The following PTPRC variants were observed in gnomAD, a reference collection of about 807,000 sequenced individuals.
The protein encoded by PTPRC is receptor-type tyrosine-protein phosphatase C.
In PTPRC, 44 loss-of-function variants were observed where a neutral mutation model predicts 155.9. The ratio of observed to expected loss-of-function variants is 0.28; its 90% CI spans 0.22 to 0.36. PTPRC has a LOEUF of 0.36. Ranked by LOEUF, PTPRC falls within the 10% of genes least tolerant of loss-of-function variation. PTPRC has a pLI of 1.00. For missense variants in PTPRC, 1,401 were observed against 1,564.6 expected (o/e 0.90, Z 1.76); for synonymous variants, 525 against 533.1 (o/e 0.98, Z 0.21).
intron 23 of PTPRC, among the ~76,000 whole-genome samples, chr1:198,740,659 G>A (rs1041106831): frequency 7.9e-5 from 12 of 151,734 alleles, no homozygotes; most frequent in Non-Finnish European, 1.6e-4. Flanking sequence ...TACAGTCAGA[G>A]ATGAAAAAAG....
In PTPRC at chr1:198,748,090, T is replaced by TG. The variant is rs1655220282; in HGVS notation, c.2848-19_2848-18insG. On this transcript the variant is annotated intron_variant, in intron 26 of 32. Coordinates refer to ENST00000442510, the MANE Select transcript of PTPRC (RefSeq NM_002838.5). ...TTTACATTTTAAAGGAGTTTTTCTG[T>TG]TTTTTTTTTTTTTTTCAGAGACTTC... 2.4e-6 allele frequency: 1 copy of TG among 416,922 alleles called. No homozygotes were observed. Among genetic ancestry groups the TG allele is most frequent in the East Asian group, 1.1e-4 (1 of 9,184 alleles). The allele number at this position is 416,922 out of a possible 1,614,324, so 25.8% of individuals were successfully genotyped here.
intron 2 of PTPRC, among the ~76,000 whole-genome samples, chr1:198,690,713 A>C (rs2102363289): frequency 6.6e-6 from 1 of 152,206 alleles, no homozygotes; most frequent in East Asian, 1.9e-4. Context: ...TAAAGGCAGA[A>C]AGTCACCTTA....
At chr1:198,708,400 G>T in intron 10 of PTPRC, 139 bp downstream of exon 10, 1 of 811,574 alleles carries the variant, frequency 1.2e-6, no homozygotes, top group Non-Finnish European at 1.8e-6. Context: ...TTTCTTTCTT[G>T]TCTTTTTCTT....
chr1:198,702,170 C>T (rs1427926191), intron 5 of PTPRC, among the ~76,000 whole-genome samples: 1 of 152,226 alleles, frequency 6.6e-6, no homozygotes, highest in African/African-American at 2.4e-5. Flanking sequence ...TATGAAGCTG[C>T]ATAGGTTTCC....
At chr1:198,721,263 T>C (rs1354282775) in intron 14 of PTPRC, among the ~76,000 whole-genome samples, 2 of 152,218 alleles carry the variant, frequency 1.3e-5, no homozygotes, top group African/African-American at 4.8e-5. Flanking sequence ...GTTAATAAAT[T>C]AATGAAGTTG....
At chr1:198,722,569 TG>T in intron 15 of PTPRC, 93 bp downstream of exon 15, 1 of 660,944 alleles carries the variant, frequency 1.5e-6, no homozygotes, top group Non-Finnish European at 2.1e-6. Flanking sequence ...CACATTTGAT[TG>T]TTAAATGCTT....
chr1:198,694,021 A>G (rs1462459543), intron 3 of PTPRC: 2 of 1,548,178 alleles, frequency 1.3e-6, no homozygotes, highest in Non-Finnish European at 8.7e-7. Context: ...ACAATAGGCC[A>G]TCTGCAAGCT....
chr1:198,720,851 T>C (rs1422006511), intron 14 of PTPRC, among the ~76,000 whole-genome samples: 1 of 152,214 alleles, frequency 6.6e-6, no homozygotes, highest in African/African-American at 2.4e-5. Context: ...CATTGTGTAT[T>C]ATACTTCATT....
At chr1:198,657,553 T>C (rs995206239) in intron 2 of PTPRC, 2 of 152,166 alleles carry the variant, frequency 1.3e-5, no homozygotes, top group African/African-American at 4.8e-5. Context: ...AAAAAAAATG[T>C]TCAGTGTTTT....
intron 2 of PTPRC, among the ~76,000 whole-genome samples, chr1:198,659,249 C>T (rs968534417): frequency 6.6e-6 from 1 of 152,148 alleles, no homozygotes; most frequent in African/African-American, 2.4e-5. Context: ...TCTGTCACCA[C>T]TAGACACATA....
intron 2 of PTPRC, among the ~76,000 whole-genome samples, chr1:198,641,273 A>G (rs1662567339): frequency 6.6e-6 from 1 of 152,070 alleles, no homozygotes; most frequent in African/African-American, 2.4e-5. Context: ...TTTAATGTAT[A>G]ATTTGGAAAA....
At chr1:198,739,324 C>A (rs1339932603) in intron 23 of PTPRC, among the ~76,000 whole-genome samples, 2 of 151,648 alleles carry the variant, frequency 1.3e-5, no homozygotes, top group African/African-American at 4.8e-5. Context: ...CAATCTGTTG[C>A]TTACAAGAAA....
At chr1:198,686,123 A>T (rs764609916) in intron 2 of PTPRC, among the ~76,000 whole-genome samples, 1 of 152,084 alleles carries the variant, frequency 6.6e-6, no homozygotes, top group African/African-American at 2.4e-5. Flanking sequence ...AAACATTTTG[A>T]GTTGTAAAAG....
At chr1:198,686,991 T>C (rs1262743082) in intron 2 of PTPRC, among the ~76,000 whole-genome samples, 1 of 132,736 alleles carries the variant, frequency 7.5e-6, no homozygotes, top group Non-Finnish European at 1.6e-5. Context: ...ATACAACCAA[T>C]CTTTTGTTGT....
At chr1:198,707,088 G>A in intron 9 of PTPRC, 136 bp downstream of exon 9, 1 of 718,408 alleles carries the variant, frequency 1.4e-6, no homozygotes, top group South Asian at 1.8e-5. Context: ...GAAACAAGTG[G>A]GTGAACTTTC....
At chr1:198,729,229 TTTTATTTA>T in intron 17 of PTPRC, 58 bp downstream of exon 17, 2 of 1,492,114 alleles carry the variant, frequency 1.3e-6, no homozygotes, top group Admixed American at 1.9e-5. Context: ...AATCCATTCA[TTTTATTTA>T]TTTATTTATT....
intron 2 of PTPRC, among the ~76,000 whole-genome samples, chr1:198,690,260 G>A (rs1665857048): frequency 6.6e-6 from 1 of 152,012 alleles, no homozygotes; most frequent in Admixed American, 6.5e-5. Flanking sequence ...ATTAGTTATT[G>A]CTATACTAAT....
At chr1:198,749,237 T>G (rs1655271949) in intron 27 of PTPRC, among the ~76,000 whole-genome samples, 179 bp from the exon 28 acceptor site, 2 of 151,852 alleles carry the variant, frequency 1.3e-5, no homozygotes, top group Admixed American at 6.6e-5. Context: ...CTTAGACTTT[T>G]GTTGTATAAT....
At chr1:198,748,298 A>C (rs1655233274) in intron 27 of PTPRC, 99 bp downstream of exon 27, 1 of 1,455,320 alleles carries the variant, frequency 6.9e-7, no homozygotes, top group Non-Finnish European at 9.1e-7. Context: ...ATCTTGAAGC[A>C]AGTTTTCAAC....
Sources: allele counts gnomAD v4.1 joint callset (sites outside exome capture counted in the v4.1 genomes callset), GRCh38; gene constraint gnomAD v4.1.1; transcripts MANE v1.5; gene names NCBI Gene and HGNC (gene_info 2026-07-23, HGNC 2026-07-21).